Variants in ZDHHC2 observed in about 807,000 individuals in gnomAD.
ZDHHC2 encodes palmitoyltransferase ZDHHC2.
ZDHHC2 carries 51 observed loss-of-function variants against 55.6 expected under a neutral mutation model. The ratio of observed to expected loss-of-function variants is 0.92; its 90% CI spans 0.73 to 1.16. ZDHHC2 has a LOEUF of 1.16. Ranked by LOEUF, ZDHHC2 falls within the 50% of genes most tolerant of loss-of-function variation. ZDHHC2 has a pLI of 0.00. For missense variants in ZDHHC2, 491 were observed against 442.4 expected (o/e 1.11, Z -0.99); for synonymous variants, 199 against 152.9 (o/e 1.30, Z -2.22).
chr8:17,199,503 T>TTCTTCTTCTTCG (rs1806536368), intron 6 of ZDHHC2, among the ~76,000 whole-genome samples: 1 of 63,158 alleles, frequency 1.6e-5, no homozygotes, highest in African/African-American at 4.8e-5. Flanking sequence ...CTTCTTCTTC[T>TTCTTCTTCTTCG]TCTTCTTCTT....
chr8:17,215,305 A>T lies in ZDHHC2; in HGVS notation c.1019A>T (p.Gln340Leu). Residue 340 changes from glutamine to leucine, a missense_variant, in exon 11 of 13, where the codon CAG (glutamine) becomes CTG (leucine). Transcript: ENST00000262096. ...CAGAGCCACCTTCTTACTGATTCTC[A>T]GTCTTGGACGGAGAGCAGCATAAAC... is the stretch of plus-strand genomic sequence containing the variant. ...ESQSHLLTDS[Q>L]SWTESSINPG... The T allele has an allele frequency of 6.3e-7, 1 of 1,599,038 alleles. No individual in the cohort carries two copies. Among genetic ancestry groups the T allele is most frequent in the South Asian group, 1.1e-5 (1 of 87,852 alleles).
intron 1 of ZDHHC2, among the ~76,000 whole-genome samples, chr8:17,172,536 A>C (rs1244135808): frequency 6.6e-6 from 1 of 152,212 alleles, no homozygotes; most frequent in South Asian, 2.1e-4. Context: ...ATACTCAACC[A>C]TACGGTATTA....
rs145421324 is a variant in ZDHHC2, at chr8:17,189,507, T to G, written c.252+3082T>G. ...TGACCTATAGAAGGTACTCAAGAGA[T>G]ACTTTTTAAGTGACTAAAAGTAGGG... On this transcript the variant is annotated intron_variant, in intron 3 of 12. Coordinates refer to ENST00000262096, the MANE Select transcript of ZDHHC2 (RefSeq NM_016353.5). 2.4e-3 allele frequency among the ~76,000 whole-genome samples: 368 copies of G among 152,362 alleles called. 1 individual carries two copies. The highest frequency in any genetic ancestry group is 8.5e-3 in the African/African-American group (355 of 41,588).
chr8:17,168,418 G>T lies in ZDHHC2; in HGVS notation c.130+11565G>T, dbSNP rs187529490. Among the ~76,000 whole-genome samples the T allele has an allele frequency of 4.1e-3, 622 of 152,256 alleles. 4 individuals carry two copies. The highest frequency in any genetic ancestry group is 7.3e-3 in the Non-Finnish European group (498 of 67,986). On this transcript the variant is annotated intron_variant, in intron 1 of 12. Coordinates refer to ENST00000262096, the MANE Select transcript of ZDHHC2 (RefSeq NM_016353.5). Reference sequence around the variant, plus strand: ...AGGTGAGAAAACTTTAGCTAATGTTGATTTTTAACTTAATTTGTGGTTTGA... The same window carrying T: ...AGGTGAGAAAACTTTAGCTAATGTTTATTTTTAACTTAATTTGTGGTTTGA...
At chr8:17,173,957 G>A (rs1046358857) in intron 1 of ZDHHC2, among the ~76,000 whole-genome samples, 2 of 152,112 alleles carry the variant, frequency 1.3e-5, no homozygotes, top group African/African-American at 4.8e-5. Flanking sequence ...AAGAAATTTG[G>A]ATACAGAGAG....
At chr8:17,166,057 G>C (rs558574403) in intron 1 of ZDHHC2, among the ~76,000 whole-genome samples, 2 of 152,346 alleles carry the variant, frequency 1.3e-5, no homozygotes, top group Admixed American at 6.5e-5. Context: ...CCTCAGGCCA[G>C]AGGCCACTGT....
chr8:17,194,541 T>C (rs531737296), intron 3 of ZDHHC2, among the ~76,000 whole-genome samples: 120 of 152,010 alleles, frequency 7.9e-4, no homozygotes, highest in African/African-American at 2.7e-3. Context: ...TGTTATTCTT[T>C]CTTCTTTATA....
chr8:17,177,750 GTT>G (rs1274603041), intron 1 of ZDHHC2, among the ~76,000 whole-genome samples: 3 of 120,838 alleles, frequency 2.5e-5, no homozygotes, highest in African/African-American at 7.5e-5. Flanking sequence ...GTTTTGGGGT[GTT>G]TGTGTGTGTG....
At chr8:17,169,597 G>T (rs75140974) in intron 1 of ZDHHC2, among the ~76,000 whole-genome samples, 25 of 152,196 alleles carry the variant, frequency 1.6e-4, no homozygotes, top group Admixed American at 1.6e-3. Flanking sequence ...GTGAATACAT[G>T]TGAGTGCATG....
intron 3 of ZDHHC2, among the ~76,000 whole-genome samples, 181 bp from the exon 4 acceptor site, chr8:17,195,323 A>G (rs1806251136): frequency 6.6e-6 from 1 of 152,152 alleles, no homozygotes; most frequent in Non-Finnish European, 1.5e-5. Flanking sequence ...CTTTTTCTAG[A>G]TGCATAAATG....
chr8:17,176,556 T>G (rs1805142437), intron 1 of ZDHHC2, among the ~76,000 whole-genome samples: 1 of 151,784 alleles, frequency 6.6e-6, no homozygotes, highest in South Asian at 2.1e-4. Flanking sequence ...ACAGTAAAAT[T>G]AAAGCGCCGC....
intron 3 of ZDHHC2, among the ~76,000 whole-genome samples, chr8:17,191,158 C>T (rs1413024354): frequency 6.6e-6 from 1 of 151,916 alleles, no homozygotes; most frequent in Non-Finnish European, 1.5e-5. Context: ...GATGAAGTTT[C>T]ACCATGTTGG....
At chr8:17,216,369 G>C (rs1398094812) in intron 11 of ZDHHC2, among the ~76,000 whole-genome samples, 10 of 152,032 alleles carry the variant, frequency 6.6e-5, no homozygotes, top group African/African-American at 2.4e-4. Context: ...GCTTTCTTTA[G>C]CCTTATCTTT....
intron 2 of ZDHHC2, among the ~76,000 whole-genome samples, chr8:17,185,298 C>T (rs1307566111): frequency 1.3e-5 from 2 of 152,028 alleles, no homozygotes; most frequent in Non-Finnish European, 2.9e-5. Flanking sequence ...TGATATCTTA[C>T]AGAATTAAAT....
intron 1 of ZDHHC2, among the ~76,000 whole-genome samples, chr8:17,169,855 T>C (rs1032211848): frequency 6.6e-6 from 1 of 152,128 alleles, no homozygotes; most frequent in African/African-American, 2.4e-5. Flanking sequence ...ATTCCTTGCA[T>C]AATTTTTTTT....
chr8:17,221,965 T>C lies in ZDHHC2; in HGVS notation c.*1744T>C, dbSNP rs866664382. ...GCAGCACAGGATGTATTAAGAATTATATGAAGTCAGGTTTGTTTTTTTTTT... is the reference window on the plus strand; with the variant it reads ...GCAGCACAGGATGTATTAAGAATTACATGAAGTCAGGTTTGTTTTTTTTTT... On this transcript the variant is annotated 3_prime_UTR_variant, in exon 13 of 13. Coordinates refer to ENST00000262096, the MANE Select transcript of ZDHHC2 (RefSeq NM_016353.5). 3 of 147,558 alleles carry C rather than the reference T, an allele frequency of 2.0e-5. No homozygotes were observed. Among genetic ancestry groups the C allele is most frequent in the Non-Finnish European group, 3.0e-5 (2 of 67,132 alleles). The allele number at this position is 147,558 out of a possible 1,614,324, so 9.1% of individuals were successfully genotyped here.
At chr8:17,218,748 C>G (rs1455143540) in intron 12 of ZDHHC2, among the ~76,000 whole-genome samples, 1 of 151,996 alleles carries the variant, frequency 6.6e-6, no homozygotes, top group Non-Finnish European at 1.5e-5. Flanking sequence ...CTAAAAATAC[C>G]CGATTTTCTG....
chr8:17,210,433 T>C lies in ZDHHC2; in HGVS notation c.903T>C (p.Asp301=). 1 of 1,613,434 alleles carries C rather than the reference T, an allele frequency of 6.2e-7. No homozygotes were observed. Among genetic ancestry groups the C allele is most frequent in the Non-Finnish European group, 8.5e-7 (1 of 1,179,620 alleles). The change falls in exon 10 of 13, where the codon GAT becomes GAC. Residue 301 remains aspartate, a synonymous_variant. Transcript: ENST00000262096. ...CSFPTCLVNQ[D]PEQASTPAGL... ...TTCCAACTTGCCTTGTTAACCAGGATCCTGAACAAGCATCTACTCCTGCAG... is the reference window on the plus strand; with the variant it reads ...TTCCAACTTGCCTTGTTAACCAGGACCCTGAACAAGCATCTACTCCTGCAG...
chr8:17,205,971 T>C (rs1417170614), intron 7 of ZDHHC2, among the ~76,000 whole-genome samples, 196 bp downstream of exon 7: 1 of 152,220 alleles, frequency 6.6e-6, no homozygotes, highest in Admixed American at 6.5e-5. Context: ...TACTGACAGC[T>C]TTCGTCATCT....
Sources: gnomAD v4.1 joint callset for allele counts (sites outside exome capture counted in the v4.1 genomes callset) on GRCh38, gnomAD v4.1.1 for gene constraint, MANE v1.5 for transcripts, NCBI Gene and HGNC (gene_info 2026-07-23, HGNC 2026-07-21) for gene names.